Variants in PTK2B observed in about 807,000 individuals in gnomAD.
The protein encoded by PTK2B is protein-tyrosine kinase 2-beta.
PTK2B carries 71 observed loss-of-function variants against 142.9 expected under a neutral mutation model. That is an observed-to-expected ratio of 0.50 (90% CI 0.41 to 0.61). PTK2B has a LOEUF of 0.61. Ranked by LOEUF, PTK2B falls within the 20% of genes least tolerant of loss-of-function variation. The pLI is 0.00. For missense variants in PTK2B, 1,105 were observed against 1,320.4 expected (o/e 0.84, Z 2.53); for synonymous variants, 519 against 503.4 (o/e 1.03, Z -0.42).
intron 3 of PTK2B, among the ~76,000 whole-genome samples, chr8:27,314,975 C>G (rs1297421159): frequency 6.6e-6 from 1 of 152,164 alleles, no homozygotes; most frequent in Admixed American, 6.5e-5. Context: ...TCTTCTTAAC[C>G]TTTTTGTCAG....
intron 1 of PTK2B, chr8:27,396,013 A>G (rs1309927229): frequency 1.3e-5 from 2 of 152,094 alleles, no homozygotes; most frequent in African/African-American, 2.4e-5. Flanking sequence ...TTAGATAAGA[A>G]TATATATATC....
intron 30 of PTK2B, among the ~76,000 whole-genome samples, chr8:27,455,963 C>T (rs1812116412): frequency 6.6e-6 from 1 of 152,218 alleles, no homozygotes; most frequent in Non-Finnish European, 1.5e-5. Flanking sequence ...TGTCAGTGGC[C>T]ACCCAAGGAA....
At chr8:27,356,020 C>CA (rs771855049) in intron 1 of PTK2B, among the ~76,000 whole-genome samples, 3,081 of 106,126 alleles carry the variant, frequency 0.029, 94 homozygotes, top group African/African-American at 0.095. Flanking sequence ...AAGACTGTCT[C>CA]AAAAAAAAAA....
chr8:27,432,042 G>A (rs1810463941), intron 9 of PTK2B: 1 of 503,150 alleles, frequency 2.0e-6, no homozygotes, highest in Non-Finnish European at 3.6e-6. Flanking sequence ...TTTATGTGTG[G>A]TCCAAGACAA....
rs142773806 is a variant in PTK2B at position 27,374,304 on chromosome 8, CTTGGGATCTG to C, written c.-37-23241_-37-23232del. ...CCATGAGTGGCCTGTTTTGAGGATA[CTTGGGATCTG>C]TTTTAATCCAGTATGGTAGGACATG... is the stretch of plus-strand genomic sequence containing the variant. On this transcript the variant is annotated intron_variant, in intron 1 of 30. Transcript: ENST00000346049. Among the ~76,000 whole-genome samples, 36 of 152,324 alleles carry C rather than the reference CTTGGGATCTG, an allele frequency of 2.4e-4. No homozygotes were observed. In the East Asian group the frequency reaches 6.8e-3, roughly 29 times the overall value.
chr8:27,406,953 G>A (rs1417903240), intron 2 of PTK2B, among the ~76,000 whole-genome samples: 1 of 152,066 alleles, frequency 6.6e-6, no homozygotes, highest in Non-Finnish European at 1.5e-5. Context: ...GGACTTTGGG[G>A]GGAAAAATCT....
intron 1 of PTK2B, among the ~76,000 whole-genome samples, chr8:27,384,961 T>A (rs1207990997): frequency 6.6e-6 from 1 of 152,114 alleles, no homozygotes; most frequent in East Asian, 1.9e-4. Context: ...CTTAGGTAGG[T>A]CTGTACTCTG....
chr8:27,437,625 A>C, intron 17 of PTK2B, 129 bp downstream of exon 17: 1 of 1,205,432 alleles, frequency 8.3e-7, no homozygotes, highest in African/African-American at 1.5e-5. Context: ...TTTGTCAAGG[A>C]AATTGCTGGA....
Position 27,363,697 on chromosome 8 carries a change from C to G in PTK2B, c.-37-33851C>G, listed in dbSNP as rs1805851960. On this transcript the variant is annotated intron_variant, in intron 1 of 30. Transcript: ENST00000346049. This position sits in a 1 kb window ranked among gnomAD's most constrained non-coding sequence, Gnocchi z 4.3. ...AGCCAGGCAGAGGCTCAGGGGCTCT[C>G]CCATGTCCTGTCTGAGTAGGCTGCA... Among the ~76,000 whole-genome samples the G allele has an allele frequency of 6.6e-6, 1 of 152,186 alleles. No homozygotes were observed. The highest frequency in any genetic ancestry group is 6.5e-5 in the Admixed American group (1 of 15,290).
chr8:27,430,633 T>C (rs750360031), intron 7 of PTK2B, among the ~76,000 whole-genome samples: 1 of 152,158 alleles, frequency 6.6e-6, no homozygotes, highest in Non-Finnish European at 1.5e-5. Context: ...CGAGGCCGTA[T>C]CAGCTCTGCG....
Position 27,440,308 on chromosome 8 carries a change from G to C in PTK2B, c.1906G>C (p.Gly636Arg), listed in dbSNP as rs200235961. ...FFWLENKDVI[G>R]VLEKGDRLPK... ...CTGGCTGGAGAACAAGGATGTCATC[G>C]GGGTGCTGGAGAAAGGAGACCGGCT... Residue 636 changes from glycine to arginine, a missense_variant, in exon 21 of 31, where the codon GGG becomes CGG. Physicochemically the swap from Gly to Arg is moderately radical, Grantham distance 125. Coordinates refer to ENST00000346049, the MANE Select transcript of PTK2B (RefSeq NM_173176.3). The C allele has an allele frequency of 6.2e-7, 1 of 1,614,010 alleles. No individual in the cohort carries two copies. Among genetic ancestry groups the C allele is most frequent in the Admixed American group, 1.7e-5 (1 of 59,990 alleles).
intron 1 of PTK2B, among the ~76,000 whole-genome samples, chr8:27,352,550 C>T (rs1162097806): frequency 2.0e-5 from 3 of 152,308 alleles, no homozygotes. Flanking sequence ...GGAGCTTTCA[C>T]TTATTTGGAT....
rs551086755 is a variant in PTK2B, at chr8:27,320,364, C to G, written c.-413-2038C>G. ...TCAGCTCAATTCAGACACTATCTAC[C>G]TGGAGATAGCATCAGATCCCACAGG... On this transcript the variant is annotated intron_variant, in intron 3 of 35. Coordinates refer to the PTK2B transcript ENST00000397501. 3.9e-5 allele frequency among the ~76,000 whole-genome samples: 6 copies of G among 152,252 alleles called. No homozygotes were observed. In the East Asian group the frequency reaches 1.2e-3, roughly 29 times the overall value.
rs902092560 is a variant in PTK2B, at chr8:27,363,842, A to G, written c.-37-33706A>G. 6.6e-6 allele frequency among the ~76,000 whole-genome samples: 1 copy of G among 152,132 alleles called. No individual in the cohort carries two copies. Among genetic ancestry groups the G allele is most frequent in the African/African-American group, 2.4e-5 (1 of 41,430 alleles). On this transcript the variant is annotated intron_variant, in intron 1 of 30. Transcript: ENST00000346049. This position sits in a 1 kb window ranked among gnomAD's most constrained non-coding sequence, Gnocchi z 4.3. ...CTCACCGGTGGCTTCACCCACCCCC[A>G]GTCCTGTGGGCCACGATTACTCTCC...
chr8:27,396,619 C>G (rs1421536967), intron 1 of PTK2B, among the ~76,000 whole-genome samples: 1 of 152,188 alleles, frequency 6.6e-6, no homozygotes, highest in Non-Finnish European at 1.5e-5. Flanking sequence ...GAGCTAAGGC[C>G]GATGCCATCC....
Position 27,432,323 on chromosome 8 carries a change from C to T in PTK2B, c.949C>T (p.Gln317Ter). 6.2e-7 allele frequency: 1 copy of T among 1,614,012 alleles called. No individual in the cohort carries two copies. The highest frequency in any genetic ancestry group is 8.5e-7 in the Non-Finnish European group (1 of 1,180,020). ...SIRCLPLEEG[Q>*]AVLQLGIEGA... The stretch of plus-strand genomic sequence containing the variant: ...CAGGTGCCTCCCGCTGGAGGAGGGC[C>T]AGGCAGTACTTCAGCTGGGCATTGA... The change falls in exon 10 of 31, where the codon CAG becomes TAG. Residue 317 changes from glutamine to a stop codon, truncating the protein, a stop_gained. Transcript: ENST00000346049. LOFTEE classifies it high-confidence loss of function.
intron 2 of PTK2B, among the ~76,000 whole-genome samples, chr8:27,401,105 C>T (rs1808358238): frequency 6.6e-6 from 1 of 151,678 alleles, no homozygotes; most frequent in Non-Finnish European, 1.5e-5. Context: ...TGCCATTGCA[C>T]TCCAGCCCAG....
chr8:27,387,280 C>T (rs895086469), intron 1 of PTK2B, among the ~76,000 whole-genome samples: 6 of 152,124 alleles, frequency 3.9e-5, no homozygotes, highest in African/African-American at 1.4e-4. Flanking sequence ...AGTCGCTTTT[C>T]CTCATCCTCA....
At chr8:27,379,508 G>A (rs1000417499) in intron 1 of PTK2B, among the ~76,000 whole-genome samples, 2 of 152,162 alleles carry the variant, frequency 1.3e-5, no homozygotes, top group Non-Finnish European at 1.5e-5. Flanking sequence ...GATTACAGGC[G>A]TGAGCCACCA....
Sources: allele counts gnomAD v4.1 joint callset (sites outside exome capture counted in the v4.1 genomes callset), GRCh38; gene constraint gnomAD v4.1.1; non-coding constraint Gnocchi (gnomAD v3.1); transcripts MANE v1.5; gene names NCBI Gene and HGNC (gene_info 2026-07-23, HGNC 2026-07-21).